C13orf42: variants seen among roughly 807,000 people sequenced by gnomAD.
C13orf42 encodes the protein uncharacterized protein C13orf42.
chr13:51,142,526 T>TA (rs533319135), intron 1 of C13orf42, among the ~76,000 whole-genome samples: 2 of 151,776 alleles, frequency 1.3e-5, no homozygotes, highest in African/African-American at 4.8e-5. Context: ...AAAGTTAAAT[T>TA]AAATTAATAG....
intron 1 of C13orf42, among the ~76,000 whole-genome samples, chr13:51,106,427 A>ACAATAT (rs1953356479): frequency 6.6e-6 from 1 of 152,192 alleles, no homozygotes; most frequent in Non-Finnish European, 1.5e-5. Flanking sequence ...TCTAGGTTAT[A>ACAATAT]CAATATCAAA....
chr13:51,114,450 G>A (rs115636711), upstream of C13orf42, among the ~76,000 whole-genome samples: 3,835 of 152,176 alleles, frequency 0.025, 144 homozygotes, highest in African/African-American at 0.087. Context: ...CTGTGTATTT[G>A]ACTTTTTTTT....
intron 1 of C13orf42, among the ~76,000 whole-genome samples, chr13:51,099,993 C>T (rs538921252): frequency 1.3e-5 from 2 of 152,218 alleles, no homozygotes; most frequent in Non-Finnish European, 2.9e-5. Flanking sequence ...AAAATCTTCA[C>T]ATACAGTAAG....
At chr13:51,128,587 C>T (rs577119716) in intron 1 of C13orf42, among the ~76,000 whole-genome samples, 1 of 152,176 alleles carries the variant, frequency 6.6e-6, no homozygotes, top group Non-Finnish European at 1.5e-5. Context: ...GGGTTTGAGA[C>T]TCAGCATAGG....
chr13:51,157,657 C>G (rs1157584047), intron 1 of C13orf42, among the ~76,000 whole-genome samples: 1 of 152,046 alleles, frequency 6.6e-6, no homozygotes, highest in South Asian at 2.1e-4. Flanking sequence ...GTTGAAACCC[C>G]CTTTGTTCCT....
chr13:51,163,607 C>T (rs1953883195), intron 1 of C13orf42, among the ~76,000 whole-genome samples: 1 of 152,146 alleles, frequency 6.6e-6, no homozygotes, highest in East Asian at 1.9e-4. Context: ...TCCCTTTAAC[C>T]CACAATAAAG....
chr13:51,091,453 A>G (rs1034939658), intron 1 of C13orf42, among the ~76,000 whole-genome samples: 4 of 152,034 alleles, frequency 2.6e-5, no homozygotes, highest in African/African-American at 9.7e-5. Flanking sequence ...TGAATAAACA[A>G]ATTGCTTTAT....
At chr13:51,105,478 C>T (rs532434958) in intron 1 of C13orf42, among the ~76,000 whole-genome samples, 8 of 152,274 alleles carry the variant, frequency 5.3e-5, no homozygotes, top group South Asian at 4.2e-4. Context: ...CATCACTAAC[C>T]ACATCACACA....
rs1953097943 is a variant in C13orf42 at position 51,084,298 on chromosome 13, G to T, written c.831C>A (p.Phe277Leu). Residue 277 changes from phenylalanine to leucine, a missense_variant, in exon 4 of 4, where the codon TTC becomes TTA. Transcript: ENST00000563710. ...ACTCCATATCTTCTCCTGAGAAGTTGAAAAGGATCTGTCTGGAGCTCCCCA... is the reference window on the plus strand; with the variant it reads ...ACTCCATATCTTCTCCTGAGAAGTTTAAAAGGATCTGTCTGGAGCTCCCCA... ...KDLGSSRQIL[F>L]NFSGEDMEWD... is the part of the protein sequence containing the mutation. 5.0e-6 allele frequency: 2 copies of T among 398,710 alleles called. No individual in the cohort carries two copies. Among genetic ancestry groups the T allele is most frequent in the Admixed American group, 8.8e-5 (2 of 22,748 alleles). The allele number at this position is 398,710 out of a possible 1,614,324, so 24.7% of individuals were successfully genotyped here. A position where few individuals can be genotyped will look rare whatever the true frequency, so the allele number is the denominator to read the frequency against.
chr13:51,153,604 C>T (rs1566140649), intron 1 of C13orf42, among the ~76,000 whole-genome samples: 1 of 147,760 alleles, frequency 6.8e-6, no homozygotes, highest in Non-Finnish European at 1.5e-5. Flanking sequence ...TGTTATCAAC[C>T]CATTTTCTTG....
rs369394775 is a variant in C13orf42 at position 51,122,609 on chromosome 13, A to T, written n.137-9387T>A. On this transcript the variant is annotated intron_variant and non_coding_transcript_variant, in intron 1 of 4. Transcript: ENST00000433280. The stretch of plus-strand genomic sequence containing the variant: ...AAGAAAGCACTTATAAGCTTAAAAA[A>T]TTTTTTTAAACCGTCATCTTGTTAT... Among the ~76,000 whole-genome samples, 12 of 152,220 alleles carry T rather than the reference A, an allele frequency of 7.9e-5. No homozygotes were observed. In the East Asian group the frequency reaches 1.4e-3, roughly 17 times the overall value.
chr13:51,123,985 T>C (rs1953556477), intron 1 of C13orf42, among the ~76,000 whole-genome samples: 1 of 152,198 alleles, frequency 6.6e-6, no homozygotes, highest in Non-Finnish European at 1.5e-5. Context: ...TTCTAAATAT[T>C]ACCAGCCATT....
At chr13:51,148,339 T>C (rs1953754240) in intron 1 of C13orf42, among the ~76,000 whole-genome samples, 1 of 152,124 alleles carries the variant, frequency 6.6e-6, no homozygotes, top group African/African-American at 2.4e-5. Context: ...GTCAGCAACA[T>C]AGCACACACG....
intron 2 of C13orf42, 26 bp from the exon 3 acceptor site, chr13:51,085,585 G>A: frequency 2.5e-6 from 1 of 398,788 alleles, no homozygotes; most frequent in Admixed American, 4.4e-5. Context: ...ATGTGACCCA[G>A]GAAGGAAGGG....
chr13:51,096,317 C>T (rs899650959), intron 1 of C13orf42, among the ~76,000 whole-genome samples: 16 of 152,138 alleles, frequency 1.1e-4, no homozygotes, highest in African/African-American at 3.9e-4. Flanking sequence ...AGGGCATTCA[C>T]TGTTTTCTGA....
Position 51,141,095 on chromosome 13 carries a change from G to GGTGTGTGTGTGTGTGTGT in C13orf42, n.137-27891_137-27874dup, listed in dbSNP as rs3043870. Among the ~76,000 whole-genome samples the GGTGTGTGTGTGTGTGTGT allele has an allele frequency of 7.7e-3, 985 of 128,474 alleles. 13 individuals carry two copies. The highest frequency in any genetic ancestry group is 0.013 in the African/African-American group (447 of 33,840). The allele number at this position is 128,474 out of a possible 152,430, so 84.3% of individuals were successfully genotyped here. A position where few individuals can be genotyped will look rare whatever the true frequency, so the allele number is the denominator to read the frequency against. On this transcript the variant is annotated intron_variant and non_coding_transcript_variant, in intron 1 of 4. Transcript: ENST00000433280. ...AATTAAAAGGCTAACATCGAAGGGA[G>GGTGTGTGTGTGTGTGTGT]GTGTGTGTGTGTGTGTGTGTGTGTG...
At chr13:51,122,905 G>A (rs1035584218) in intron 1 of C13orf42, among the ~76,000 whole-genome samples, 9 of 152,104 alleles carry the variant, frequency 5.9e-5, no homozygotes, top group Admixed American at 1.3e-4. Context: ...TCACTTCACC[G>A]TCATCTAAAG....
chr13:51,162,010 G>A (rs1209166518), intron 1 of C13orf42: 3 of 403,526 alleles, frequency 7.4e-6, no homozygotes, highest in Non-Finnish European at 1.5e-5. Flanking sequence ...CAAACCTACT[G>A]AGAAGCCTGC....
At chr13:51,105,761 A>G (rs558993089) in intron 1 of C13orf42, among the ~76,000 whole-genome samples, 1 of 152,246 alleles carries the variant, frequency 6.6e-6, no homozygotes, top group East Asian at 1.9e-4. Flanking sequence ...TTCTGGTGCT[A>G]CTTAACAATT....
Sources: allele counts gnomAD v4.1 joint callset (sites outside exome capture counted in the v4.1 genomes callset), GRCh38; gene constraint gnomAD v4.1.1; transcripts MANE v1.5; gene names NCBI Gene and HGNC (gene_info 2026-07-23, HGNC 2026-07-21).